The following OR2F1 variants were observed in gnomAD, a reference collection of about 807,000 sequenced individuals.
OR2F1 encodes olfactory receptor 2F1.
For synonymous variants in OR2F1, 146 were observed against 155.3 expected (o/e 0.94, Z 0.44); for missense variants, 389 against 378.2 (o/e 1.03, Z -0.24).
Position 143,962,253 on chromosome 7 carries a change from C to T in OR2F1, c.*1329C>T, listed in dbSNP as rs1461437795. The stretch of plus-strand genomic sequence containing the variant: ...ATATAACTCAAAGCCCATTTGACAT[C>T]TGAATTTTATATTAATAGTAATGCA... On this transcript the variant is annotated 3_prime_UTR_variant, in exon 3 of 3. Transcript: ENST00000641412. The T allele has an allele frequency of 2.6e-5, 4 of 152,270 alleles. No homozygotes were observed. In the East Asian group the frequency reaches 7.7e-4, roughly 29 times the overall value. The allele number at this position is 152,270 out of a possible 1,614,324, so 9.4% of individuals were successfully genotyped here.
chr7:143,960,050 T>C lies in OR2F1; in HGVS notation c.80T>C (p.Leu27Pro). The C allele has an allele frequency of 1.2e-6, 2 of 1,614,166 alleles. No homozygotes were observed. Among genetic ancestry groups the C allele is most frequent in the Non-Finnish European group, 1.7e-6 (2 of 1,180,010 alleles). The change falls in exon 3 of 3, where the codon CTG becomes CCG. Residue 27 changes from leucine (L) to proline (P), a missense_variant. Leu to Pro is a moderately conservative substitution (Grantham distance 98). Coordinates refer to ENST00000641412, the MANE Select transcript of OR2F1 (RefSeq NM_012369.3). ...AGTGACTGGGACACTCGGGTCTCCC[T>C]GTTTGTCCTGTTCTTGGTCATGTAT... Reference protein sequence around the residue: ...LSSDWDTRVSLFVLFLVMYVV... With the variant: ...LSSDWDTRVSPFVLFLVMYVV...
rs944380977 is a variant in OR2F1 at position 143,961,624 on chromosome 7, T to C, written c.*700T>C. On this transcript the variant is annotated 3_prime_UTR_variant, in exon 3 of 3. Transcript: ENST00000641412. Reference sequence around the variant, plus strand: ...AAGCTTCAGGTGCTTCTTGACAGTATTCAAACAGTTTGAGAAGGATTTTAC... The same window carrying C: ...AAGCTTCAGGTGCTTCTTGACAGTACTCAAACAGTTTGAGAAGGATTTTAC... The C allele has an allele frequency of 6.6e-6, 1 of 152,266 alleles. No individual in the cohort carries two copies. The highest frequency in any genetic ancestry group is 1.5e-5 in the Non-Finnish European group (1 of 68,078). The allele number at this position is 152,266 out of a possible 1,614,324, so 9.4% of individuals were successfully genotyped here. A position where few individuals can be genotyped will look rare whatever the true frequency, so the allele number is the denominator to read the frequency against.
In OR2F1 at chr7:143,960,368, C is replaced by T. The variant is rs770220093; in HGVS notation, c.398C>T (p.Ser133Leu). 56 of 1,614,068 alleles carry T rather than the reference C, an allele frequency of 3.5e-5. No homozygotes were observed. The highest frequency in any genetic ancestry group is 4.3e-5 in the Non-Finnish European group (51 of 1,180,048). Reference protein sequence around the residue: ...YVAVCDALRYSAIMHGGLCAR... With the variant: ...YVAVCDALRYLAIMHGGLCAR... ...GCTGTGTGTGATGCCCTGCGATACTCGGCCATCATGCATGGAGGGCTGTGT... is the reference window on the plus strand; with the variant it reads ...GCTGTGTGTGATGCCCTGCGATACTTGGCCATCATGCATGGAGGGCTGTGT... Residue 133 changes from serine (S) to leucine (L), a missense_variant, in exon 3 of 3, where the codon TCG becomes TTG. Ser to Leu is a moderately radical substitution (Grantham distance 145). Coordinates refer to ENST00000641412, the MANE Select transcript of OR2F1 (RefSeq NM_012369.3).
rs1160321735 is a variant in OR2F1 at position 143,960,061 on chromosome 7, T to C, written c.91T>C (p.Phe31Leu). 1 of 1,614,082 alleles carries C rather than the reference T, an allele frequency of 6.2e-7. No individual in the cohort carries two copies. Among genetic ancestry groups the C allele is most frequent in the African/African-American group, 1.3e-5 (1 of 74,918 alleles). ...CACTCGGGTCTCCCTGTTTGTCCTG[T>C]TCTTGGTCATGTATGTGGTGACCGT... ...WDTRVSLFVL[F>L]LVMYVVTVLG... The change falls in exon 3 of 3, where the codon TTC becomes CTC. Residue 31 changes from phenylalanine to leucine, a missense_variant. Transcript: ENST00000641412.
At chr7:143,957,188 G>A (rs943811938) in intron 1 of OR2F1, among the ~76,000 whole-genome samples, 1 of 152,178 alleles carries the variant, frequency 6.6e-6, no homozygotes, top group African/African-American at 2.4e-5. Context: ...TAGAAGTTGA[G>A]TACAAGTTCT....
At chr7:143,955,371 G>C (rs2050277550) in intron 1 of OR2F1, among the ~76,000 whole-genome samples, 1 of 152,060 alleles carries the variant, frequency 6.6e-6, no homozygotes, top group African/African-American at 2.4e-5. Context: ...TAAAGGATCA[G>C]TGTAAGCTGT....
chr7:143,957,017 G>A (rs1288628809), intron 1 of OR2F1, among the ~76,000 whole-genome samples: 1 of 152,170 alleles, frequency 6.6e-6, no homozygotes, highest in African/African-American at 2.4e-5. Context: ...GAGGAGTACA[G>A]GCATTGGTGA....
Position 143,963,871 on chromosome 7 carries a change from G to C in OR2F1, c.*2947G>C, listed in dbSNP as rs757745111. Reference sequence around the variant, plus strand: ...CAGCTGATTAGATGGTGCCTACCCAGATTGAGGATGGGCCTGCCTCTCCTA... The same window carrying C: ...CAGCTGATTAGATGGTGCCTACCCACATTGAGGATGGGCCTGCCTCTCCTA... On this transcript the variant is annotated 3_prime_UTR_variant, in exon 3 of 3. Transcript: ENST00000641412. 6.6e-6 allele frequency: 1 copy of C among 152,210 alleles called. No homozygotes were observed. Among genetic ancestry groups the C allele is most frequent in the Non-Finnish European group, 1.5e-5 (1 of 68,052 alleles). The allele number at this position is 152,210 out of a possible 1,614,324, so 9.4% of individuals were successfully genotyped here.
At chr7:143,959,832 C>A in intron 2 of OR2F1, 116 bp from the exon 3 acceptor site, 1 of 643,488 alleles carries the variant, frequency 1.6e-6, no homozygotes, top group Non-Finnish European at 2.6e-6. Context: ...CTCATTTTGG[C>A]CAATAAATGA....
rs191452807 is a variant in OR2F1, at chr7:143,960,244, A to G, written c.274A>G (p.Ile92Val). ...LAHFLAEHKA[I>V]PFQSCAAQLF... ...ACATTTTCTTGCAGAACATAAAGCC[A>G]TCCCATTCCAGAGCTGTGCAGCCCA... is the stretch of plus-strand genomic sequence containing the variant. The change falls in exon 3 of 3, where the codon ATC (isoleucine) becomes GTC (valine). Residue 92 changes from isoleucine (I) to valine (V), a missense_variant. Transcript: ENST00000641412. 3.1e-6 allele frequency: 5 copies of G among 1,614,184 alleles called. No homozygotes were observed. The African/African-American group carries it at 6.7e-5, about 22-fold the overall frequency.
At chr7:143,959,822 C>G (rs2189875) in intron 2 of OR2F1, 126 bp from the exon 3 acceptor site, 227,620 of 607,130 alleles carry the variant, frequency 0.37, 45,991 homozygotes, top group African/African-American at 0.61. Context: ...GGTCAAGACT[C>G]TCATTTTGGC....
chr7:143,958,884 C>T (rs2050303586), intron 1 of OR2F1, 69 bp from the exon 2 acceptor site: 1 of 152,018 alleles, frequency 6.6e-6, no homozygotes, highest in African/African-American at 2.4e-5. Context: ...ACTTAGACAT[C>T]TGCTTTCTCT....
In OR2F1 at chr7:143,963,432, T is replaced by C. The variant is rs1041079339; in HGVS notation, c.*2508T>C. Reference sequence around the variant, plus strand: ...AGAGTGGGCATTAGGTATGTAGAAATAGACTACTATAGTCTCATATTCTGT... The same window carrying C: ...AGAGTGGGCATTAGGTATGTAGAAACAGACTACTATAGTCTCATATTCTGT... On this transcript the variant is annotated 3_prime_UTR_variant, in exon 3 of 3. Transcript: ENST00000641412. 2 of 152,182 alleles carry C rather than the reference T, an allele frequency of 1.3e-5. No homozygotes were observed. The highest frequency in any genetic ancestry group is 2.4e-5 in the African/African-American group (1 of 41,432). The allele number at this position is 152,182 out of a possible 1,614,324, so 9.4% of individuals were successfully genotyped here.
intron 1 of OR2F1, among the ~76,000 whole-genome samples, chr7:143,956,513 G>A (rs2050286891): frequency 6.6e-6 from 1 of 152,030 alleles, no homozygotes; most frequent in African/African-American, 2.4e-5. Context: ...TTAAGTATTA[G>A]CAGCCTATTT....
rs926495376 is a variant in OR2F1 at position 143,963,443 on chromosome 7, A to T, written c.*2519A>T. On this transcript the variant is annotated 3_prime_UTR_variant, in exon 3 of 3. Transcript: ENST00000641412. ...TAGGTATGTAGAAATAGACTACTAT[A>T]GTCTCATATTCTGTATTAGTCAGGT... 1.6e-4 allele frequency: 24 copies of T among 152,212 alleles called. No individual in the cohort carries two copies. Among genetic ancestry groups the T allele is most frequent in the Admixed American group, 1.4e-3 (21 of 15,284 alleles). The allele number at this position is 152,212 out of a possible 1,614,324, so 9.4% of individuals were successfully genotyped here. A position where few individuals can be genotyped will look rare whatever the true frequency, so the allele number is the denominator to read the frequency against.
chr7:143,955,770 C>T (rs1473755865), intron 1 of OR2F1, among the ~76,000 whole-genome samples: 1 of 152,090 alleles, frequency 6.6e-6, no homozygotes, highest in African/African-American at 2.4e-5. Context: ...AAGCTCAGAA[C>T]ACATATAGAA....
At chr7:143,958,438 T>TA (rs1376638248) in intron 1 of OR2F1, among the ~76,000 whole-genome samples, 1 of 152,070 alleles carries the variant, frequency 6.6e-6, no homozygotes, top group African/African-American at 2.4e-5. Flanking sequence ...AGGAGGACAT[T>TA]AGGGAGAGTT....
rs1045161722 is a variant in OR2F1 at position 143,961,268 on chromosome 7, C to T, written c.*344C>T. 20 of 210,974 alleles carry T rather than the reference C, an allele frequency of 9.5e-5. No individual in the cohort carries two copies. The highest frequency in any genetic ancestry group is 1.6e-4 in the Non-Finnish European group (17 of 104,116). 13.1% of individuals were successfully genotyped at this position (210,974 alleles called of 1,614,324 possible). A position where few individuals can be genotyped will look rare whatever the true frequency, so the allele number is the denominator to read the frequency against. ...TACTCATGGATCTTACCTTGGACCA[C>T]TGGTACTTACACATCCACATTTTAT... On this transcript the variant is annotated 3_prime_UTR_variant, in exon 3 of 3. Transcript: ENST00000641412.
At chr7:143,959,891 A>G in intron 2 of OR2F1, 57 bp from the exon 3 acceptor site, 1 of 1,184,472 alleles carries the variant, frequency 8.4e-7, no homozygotes, top group Admixed American at 2.2e-5. Flanking sequence ...ATGCATTCAA[A>G]CAAGTAATTC....
Sources: gnomAD v4.1 joint callset for allele counts (sites outside exome capture counted in the v4.1 genomes callset) on GRCh38, gnomAD v4.1.1 for gene constraint, MANE v1.5 for transcripts, NCBI Gene and HGNC (gene_info 2026-07-23, HGNC 2026-07-21) for gene names.